Variants in GULP1 observed in about 807,000 individuals in gnomAD.
GULP1 encodes the protein GULP PTB domain containing engulfment adaptor 1, also known as PTB domain-containing engulfment adapter protein 1.
In GULP1, 19 loss-of-function variants were observed where a neutral mutation model predicts 40.9. The observed-to-expected ratio is 0.46, with a 90% confidence interval of 0.32 to 0.68. The LOEUF is 0.68. GULP1 is among the 30% of genes least tolerant of loss of function. GULP1 has a pLI of 0.03. For missense variants in GULP1, 312 were observed against 362.2 expected (o/e 0.86, Z 1.12); for synonymous variants, 119 against 117.6 (o/e 1.01, Z -0.08).
intron 2 of GULP1, among the ~76,000 whole-genome samples, chr2:188,447,822 T>C (rs2058519284): frequency 6.6e-6 from 1 of 152,206 alleles, no homozygotes; most frequent in Non-Finnish European, 1.5e-5. Context: ...CTGCTGGTTT[T>C]ATTTTATTCC....
intron 8 of GULP1, chr2:188,569,562 G>C: frequency 2.0e-6 from 1 of 495,070 alleles, no homozygotes; most frequent in Non-Finnish European, 3.6e-6. Flanking sequence ...ATTCCCACAA[G>C]AACTTAGTGT....
At chr2:188,468,609 T>G (rs758743431) in intron 2 of GULP1, among the ~76,000 whole-genome samples, 2 of 152,198 alleles carry the variant, frequency 1.3e-5, no homozygotes, top group Non-Finnish European at 2.9e-5. Flanking sequence ...GGGAACAGTT[T>G]TTATAGTGAA....
intron 4 of GULP1, among the ~76,000 whole-genome samples, chr2:188,521,968 C>T (rs1200925241): frequency 6.6e-6 from 1 of 151,926 alleles, no homozygotes; most frequent in Non-Finnish European, 1.5e-5. Flanking sequence ...CCCAGCTACT[C>T]GGGAGGCTGA....
chr2:188,396,308 C>T (rs1408165157), intron 2 of GULP1, among the ~76,000 whole-genome samples: 1 of 152,204 alleles, frequency 6.6e-6, no homozygotes, highest in African/African-American at 2.4e-5. Flanking sequence ...GGGAAAGATC[C>T]GAGCTGTGGT....
chr2:188,530,621 G>A (rs1479103626), intron 6 of GULP1, among the ~76,000 whole-genome samples: 2 of 152,066 alleles, frequency 1.3e-5, no homozygotes, highest in East Asian at 1.9e-4. Flanking sequence ...TAAGGACCAC[G>A]TGAAGGCAGC....
chr2:188,361,332 G>A (rs1195937193), intron 1 of GULP1, among the ~76,000 whole-genome samples: 1 of 151,904 alleles, frequency 6.6e-6, no homozygotes, highest in Non-Finnish European at 1.5e-5. Flanking sequence ...TCCTAAGGCA[G>A]GAATGACTCT....
intron 1 of GULP1, among the ~76,000 whole-genome samples, chr2:188,312,264 G>C (rs2038293716): frequency 1.3e-5 from 2 of 151,788 alleles, no homozygotes; most frequent in Non-Finnish European, 1.5e-5. Context: ...TTTCCATGGT[G>C]GTTTGCTGCA....
At chr2:188,581,041 G>T (rs763647650) in intron 9 of GULP1, among the ~76,000 whole-genome samples, 1 of 152,090 alleles carries the variant, frequency 6.6e-6, no homozygotes, top group Admixed American at 6.6e-5. Flanking sequence ...TGTATTTGGT[G>T]CACAGTTTGG....
chr2:188,397,353 A>G (rs1401367347), intron 2 of GULP1, among the ~76,000 whole-genome samples: 3 of 152,186 alleles, frequency 2.0e-5, no homozygotes, highest in Non-Finnish European at 2.9e-5. Context: ...AGATCCTTCT[A>G]TGTGCTGTGT....
intron 7 of GULP1, among the ~76,000 whole-genome samples, chr2:188,546,122 G>A (rs764243146): frequency 3.3e-5 from 5 of 151,960 alleles, no homozygotes; most frequent in African/African-American, 7.2e-5. Flanking sequence ...AGACAAATAC[G>A]CAATTATAGT....
intron 2 of GULP1, among the ~76,000 whole-genome samples, chr2:188,443,685 C>CTTTTT (rs768289502): frequency 2.0e-5 from 3 of 147,134 alleles, no homozygotes; most frequent in Non-Finnish European, 3.0e-5. Flanking sequence ...AAATGAATTT[C>CTTTTT]TTTTCTTTTT....
At chr2:188,539,869 T>C (rs1689988416) in intron 6 of GULP1, among the ~76,000 whole-genome samples, 1 of 152,152 alleles carries the variant, frequency 6.6e-6, no homozygotes, top group South Asian at 2.1e-4. Flanking sequence ...TGTTTTCATA[T>C]CAATGATTCT....
intron 2 of GULP1, among the ~76,000 whole-genome samples, chr2:188,402,347 G>A (rs1221308761): frequency 6.6e-6 from 1 of 151,990 alleles, no homozygotes; most frequent in Non-Finnish European, 1.5e-5. Context: ...CTTGACCTGG[G>A]ATGAAGCATA....
intron 4 of GULP1, among the ~76,000 whole-genome samples, chr2:188,501,280 A>G (rs897838706): frequency 6.6e-6 from 1 of 151,678 alleles, no homozygotes; most frequent in Non-Finnish European, 1.5e-5. Flanking sequence ...TGATGGCTTA[A>G]AAGTGTGACA....
intron 2 of GULP1, among the ~76,000 whole-genome samples, chr2:188,475,190 A>C (rs576691464): frequency 1.3e-5 from 2 of 152,270 alleles, no homozygotes; most frequent in African/African-American, 4.8e-5. Flanking sequence ...CATTGCATCA[A>C]ATAAAATGCT....
At chr2:188,585,672 G>A (rs1221396328) in intron 10 of GULP1, among the ~76,000 whole-genome samples, 1 of 152,162 alleles carries the variant, frequency 6.6e-6, no homozygotes, top group Non-Finnish European at 1.5e-5. Context: ...AGGACATCAA[G>A]TCCTGAGGTT....
intron 6 of GULP1, 105 bp from the exon 7 acceptor site, chr2:188,541,076 A>G (rs1559359203): frequency 2.2e-6 from 2 of 922,778 alleles, no homozygotes; most frequent in Non-Finnish European, 3.3e-6. Flanking sequence ...AGATTGACAG[A>G]TGATTGTTCT....
chr2:188,339,926 G>A (rs999055927), intron 1 of GULP1, among the ~76,000 whole-genome samples: 1 of 152,148 alleles, frequency 6.6e-6, no homozygotes, highest in Non-Finnish European at 1.5e-5. Context: ...ATGCTCTAGT[G>A]TTCCAATGTG....
intron 1 of GULP1, among the ~76,000 whole-genome samples, chr2:188,348,385 C>G (rs1475522014): frequency 6.6e-6 from 1 of 152,144 alleles, no homozygotes; most frequent in Non-Finnish European, 1.5e-5. Flanking sequence ...AGTGGTAACA[C>G]TGAAATATGT....
Sources: gnomAD v4.1 joint callset for allele counts (sites outside exome capture counted in the v4.1 genomes callset) on GRCh38, gnomAD v4.1.1 for gene constraint, MANE v1.5 for transcripts, NCBI Gene and HGNC (gene_info 2026-07-23, HGNC 2026-07-21) for gene names.